The following MECOM variants were observed in gnomAD, a reference collection of about 807,000 sequenced individuals.
MECOM encodes MDS1 and EVI1 complex locus, also known as histone-lysine N-methyltransferase MECOM.
MECOM carries 13 observed loss-of-function variants against 116.3 expected under a neutral mutation model. The observed-to-expected ratio is 0.11, with a 90% CI of 0.07 to 0.18. MECOM has a LOEUF of 0.18. Ranked by LOEUF, MECOM falls within the 10% of genes least tolerant of loss-of-function variation. The pLI is 1.00. For missense variants in MECOM, 1,299 were observed against 1,509.0 expected (o/e 0.86, Z 2.31); for synonymous variants, 528 against 535.2 (o/e 0.99, Z 0.19).
chr3:169,383,024 C>A (rs1428162821), intron 1 of MECOM, among the ~76,000 whole-genome samples: 3 of 151,832 alleles, frequency 2.0e-5, no homozygotes, highest in Non-Finnish European at 2.9e-5. Flanking sequence ...CTACCAACCC[C>A]GCAGTTCTAT....
intron 12 of MECOM, among the ~76,000 whole-genome samples, chr3:169,095,538 G>A (rs1721184459): frequency 6.6e-6 from 1 of 151,984 alleles, no homozygotes; most frequent in South Asian, 2.1e-4. Flanking sequence ...AGCACATTGA[G>A]GAACAGTAGC....
At chr3:169,473,490 G>A (rs907420247) in intron 1 of MECOM, among the ~76,000 whole-genome samples, 30 of 152,330 alleles carry the variant, frequency 2.0e-4, no homozygotes, top group African/African-American at 6.7e-4. Flanking sequence ...ACCAGATACG[G>A]CAGGGCGTGG....
chr3:169,425,019 A>G (rs1740402885), intron 1 of MECOM, among the ~76,000 whole-genome samples: 1 of 152,066 alleles, frequency 6.6e-6, no homozygotes, highest in African/African-American at 2.4e-5. Flanking sequence ...CTTAACTACA[A>G]TAAGAAAAGC....
intron 2 of MECOM, among the ~76,000 whole-genome samples, chr3:169,198,954 T>C (rs1748798832): frequency 6.6e-6 from 1 of 151,990 alleles, no homozygotes; most frequent in Non-Finnish European, 1.5e-5. Flanking sequence ...ATAAGAGTTT[T>C]TTAGATGAAG....
chr3:169,530,651 G>A (rs1029059052), intron 1 of MECOM, among the ~76,000 whole-genome samples: 12 of 152,086 alleles, frequency 7.9e-5, no homozygotes, highest in Non-Finnish European at 1.5e-4. Context: ...GAGAGAGGAG[G>A]AGCGTAGACA....
intron 2 of MECOM, among the ~76,000 whole-genome samples, chr3:169,188,083 A>G (rs115056167): frequency 0.019 from 2,873 of 152,266 alleles, 89 homozygotes; most frequent in African/African-American, 0.065. Context: ...AGATTCCCGT[A>G]ATAAAATGAG....
intron 2 of MECOM, among the ~76,000 whole-genome samples, chr3:169,265,772 C>T (rs1048753962): frequency 4.6e-5 from 7 of 152,224 alleles, no homozygotes; most frequent in Non-Finnish European, 8.8e-5. Flanking sequence ...TTTTCTCATG[C>T]AGGTGGCATA....
chr3:169,137,333 G>T (rs1254710633), intron 3 of MECOM, among the ~76,000 whole-genome samples: 1 of 152,030 alleles, frequency 6.6e-6, no homozygotes, highest in Non-Finnish European at 1.5e-5. Context: ...TCTGGACCCT[G>T]ATCTATCCAT....
intron 1 of MECOM, among the ~76,000 whole-genome samples, chr3:169,416,800 C>A (rs929932896): frequency 6.6e-6 from 1 of 151,912 alleles, no homozygotes; most frequent in African/African-American, 2.4e-5. Flanking sequence ...AGAAATAACG[C>A]CGCATATCTA....
intron 1 of MECOM, among the ~76,000 whole-genome samples, chr3:169,479,490 C>A (rs1252005109): frequency 6.6e-6 from 1 of 151,882 alleles, no homozygotes; most frequent in African/African-American, 2.4e-5. Flanking sequence ...CAGGGCCAGA[C>A]CATGCAAGGC....
intron 1 of MECOM, among the ~76,000 whole-genome samples, chr3:169,443,194 T>C (rs190238069): frequency 2.8e-4 from 43 of 152,316 alleles, no homozygotes; most frequent in Admixed American, 1.4e-3. Flanking sequence ...CTAATGGAAA[T>C]TCCAGTGGGG....
intron 7 of MECOM, among the ~76,000 whole-genome samples, chr3:169,119,215 T>C (rs1280920398): frequency 6.6e-6 from 1 of 152,168 alleles, no homozygotes; most frequent in Non-Finnish European, 1.5e-5. Context: ...AATCGTGGTG[T>C]GTGGCCTTCT....
At chr3:169,219,596 T>A (rs1028020375) in intron 2 of MECOM, among the ~76,000 whole-genome samples, 7 of 152,042 alleles carry the variant, frequency 4.6e-5, no homozygotes, top group Non-Finnish European at 7.4e-5. Context: ...TGGCAAAAAA[T>A]CAGGATGCTA....
chr3:169,262,638 C>T (rs943808073), intron 2 of MECOM, among the ~76,000 whole-genome samples: 3 of 152,018 alleles, frequency 2.0e-5, no homozygotes, highest in African/African-American at 7.3e-5. Flanking sequence ...AACTTAGAAG[C>T]CTTTTATTGC....
chr3:169,235,394 G>A (rs765477137), intron 2 of MECOM, among the ~76,000 whole-genome samples: 9 of 151,906 alleles, frequency 5.9e-5, no homozygotes, highest in Non-Finnish European at 1.3e-4. Flanking sequence ...TTGAAGAATG[G>A]TCACTTTGTA....
intron 2 of MECOM, among the ~76,000 whole-genome samples, chr3:169,278,576 G>A (rs1035637237): frequency 6.6e-6 from 1 of 152,146 alleles, no homozygotes; most frequent in African/African-American, 2.4e-5. Context: ...GGTTTCCAAA[G>A]GTTAGCTGGA....
intron 1 of MECOM, among the ~76,000 whole-genome samples, chr3:169,411,609 T>C (rs955891279): frequency 6.6e-6 from 1 of 152,184 alleles, no homozygotes; most frequent in Non-Finnish European, 1.5e-5. Flanking sequence ...GCATTTCCAA[T>C]ATAAGAACAA....
chr3:169,314,628 T>A (rs1262939417), intron 2 of MECOM, among the ~76,000 whole-genome samples: 2 of 149,288 alleles, frequency 1.3e-5, no homozygotes, highest in Non-Finnish European at 3.0e-5. Flanking sequence ...TGCCCAAGAA[T>A]GAAAGTGGGA....
intron 1 of MECOM, among the ~76,000 whole-genome samples, chr3:169,550,848 G>GA (rs1761300063): frequency 8.4e-6 from 1 of 119,426 alleles, no homozygotes; most frequent in Non-Finnish European, 1.7e-5. Flanking sequence ...TTTTGAGACG[G>GA]AGTCTCGCTC....
Sources: gnomAD v4.1 joint callset for allele counts (sites outside exome capture counted in the v4.1 genomes callset) on GRCh38, gnomAD v4.1.1 for gene constraint, MANE v1.5 for transcripts, NCBI Gene and HGNC (gene_info 2026-07-23, HGNC 2026-07-21) for gene names.